The following CNTN4 variants were observed in gnomAD, a reference collection of about 807,000 sequenced individuals.
CNTN4 encodes contactin 4.
CNTN4 carries 77 observed loss-of-function variants against 122.5 expected under a neutral mutation model. The observed-to-expected ratio is 0.63, with a 90% CI of 0.52 to 0.76. The LOEUF is 0.76. Among genes scored for constraint, CNTN4 ranks in the 30% least tolerant of loss-of-function variants. The probability of loss-of-function intolerance (pLI) is 0.00; values close to 1 mark genes in which losing one functional copy is unlikely to be tolerated. For missense variants in CNTN4, 1,256 were observed against 1,259.1 expected (o/e 1.00, Z 0.04); for synonymous variants, 512 against 447.0 (o/e 1.15, Z -1.83).
At chr3:2,443,287 TG>T (rs1443020739) in intron 3 of CNTN4, among the ~76,000 whole-genome samples, 1 of 152,200 alleles carries the variant, frequency 6.6e-6, no homozygotes, top group Admixed American at 6.5e-5. Context: ...GGTTCCAGCC[TG>T]GTTCCTTGTG....
chr3:2,357,326 G>A (rs980384285), intron 3 of CNTN4, among the ~76,000 whole-genome samples: 10 of 152,180 alleles, frequency 6.6e-5, no homozygotes, highest in Non-Finnish European at 1.3e-4. Flanking sequence ...ACTTGCTTAA[G>A]GACAATATAG....
At chr3:2,588,455 C>G (rs979872571) in intron 4 of CNTN4, among the ~76,000 whole-genome samples, 1 of 150,906 alleles carries the variant, frequency 6.6e-6, no homozygotes, top group Non-Finnish European at 1.5e-5. Flanking sequence ...CAACCTCTGC[C>G]TCCCAGGTTC....
intron 8 of CNTN4, among the ~76,000 whole-genome samples, chr3:2,869,749 C>T (rs916428060): frequency 3.9e-5 from 6 of 152,112 alleles, no homozygotes; most frequent in Non-Finnish European, 7.3e-5. Context: ...CGCTCCAGCA[C>T]GGTGCTTGCC....
rs543831889 is a variant in CNTN4, at chr3:2,206,600, C to T, written c.-145+105961C>T. 2.6e-4 allele frequency among the ~76,000 whole-genome samples: 39 copies of T among 152,020 alleles called. 1 individual carries two copies. In the South Asian group the frequency reaches 6.0e-3, roughly 23 times the overall value. On this transcript the variant is annotated intron_variant, in intron 2 of 24. Transcript: ENST00000418658. ...TGATACCAGGAATGACTTTTGGAGTCGGTTTTGTTTTAAATATGTTTATTG... is the reference window on the plus strand; with the variant it reads ...TGATACCAGGAATGACTTTTGGAGTTGGTTTTGTTTTAAATATGTTTATTG...
chr3:2,637,579 G>C (rs1202950694), intron 4 of CNTN4, among the ~76,000 whole-genome samples: 1 of 152,074 alleles, frequency 6.6e-6, no homozygotes, highest in Non-Finnish European at 1.5e-5. Flanking sequence ...ATTGGTCCCT[G>C]CCTCAACAAG....
At chr3:2,597,840 A>G (rs1005640360) in intron 4 of CNTN4, among the ~76,000 whole-genome samples, 1 of 152,196 alleles carries the variant, frequency 6.6e-6, no homozygotes, top group African/African-American at 2.4e-5. Flanking sequence ...TAATCATGTG[A>G]CTAGAATGTA....
intron 2 of CNTN4, among the ~76,000 whole-genome samples, chr3:2,271,129 A>T (rs2041278278): frequency 7.8e-6 from 1 of 128,956 alleles, no homozygotes; most frequent in South Asian, 2.4e-4. Flanking sequence ...ATATAATAAA[A>T]CTCTTTAGAA....
intron 2 of CNTN4, among the ~76,000 whole-genome samples, chr3:2,195,839 A>G (rs2037809034): frequency 6.6e-6 from 1 of 152,216 alleles, no homozygotes; most frequent in South Asian, 2.1e-4. Flanking sequence ...AGCCTAAAGC[A>G]TCTTCTAAAT....
At chr3:2,910,626 T>C (rs540319985) in intron 12 of CNTN4, among the ~76,000 whole-genome samples, 1 of 152,168 alleles carries the variant, frequency 6.6e-6, no homozygotes, top group African/African-American at 2.4e-5. Context: ...TTGAATTGAG[T>C]CATATTGTAA....
Position 3,010,685 on chromosome 3 carries a change from T to C in CNTN4, c.1487-15417T>C, listed in dbSNP as rs1327919098. Among the ~76,000 whole-genome samples, 7 of 152,248 alleles carry C rather than the reference T, an allele frequency of 4.6e-5. No homozygotes were observed. The East Asian group carries it at 1.4e-3, about 29-fold the overall frequency. ...TTATGTACTATATAGCCAAACAGCA[T>C]GGACGAGGAGGGCGCTGTGAAATTA... is the stretch of plus-strand genomic sequence containing the variant. On this transcript the variant is annotated intron_variant, in intron 14 of 24. Coordinates refer to ENST00000418658, the MANE Select transcript of CNTN4 (RefSeq NM_175607.3).
intron 14 of CNTN4, among the ~76,000 whole-genome samples, chr3:2,993,783 A>G (rs1695270961): frequency 6.6e-6 from 1 of 152,220 alleles, no homozygotes; most frequent in South Asian, 2.1e-4. Flanking sequence ...GCTATACACA[A>G]CTTTTCTTGT....
At chr3:2,591,736 C>A (rs1319722000) in intron 4 of CNTN4, among the ~76,000 whole-genome samples, 1 of 152,054 alleles carries the variant, frequency 6.6e-6, no homozygotes, top group Non-Finnish European at 1.5e-5. Context: ...TTTTGAAAGG[C>A]CTAAACGAAG....
At chr3:2,259,006 T>A (rs1201085532) in intron 2 of CNTN4, among the ~76,000 whole-genome samples, 1 of 152,190 alleles carries the variant, frequency 6.6e-6, no homozygotes, top group African/African-American at 2.4e-5. Context: ...AGTGCTATTC[T>A]GTAGGTGAGG....
chr3:2,529,353 T>C (rs1053723163), intron 3 of CNTN4, among the ~76,000 whole-genome samples: 5 of 152,178 alleles, frequency 3.3e-5, no homozygotes, highest in Non-Finnish European at 7.4e-5. Context: ...CATTCATCTG[T>C]TGATGGATAC....
intron 4 of CNTN4, among the ~76,000 whole-genome samples, chr3:2,578,133 C>T (rs919544063): frequency 3.9e-5 from 6 of 152,090 alleles, no homozygotes; most frequent in Admixed American, 3.9e-4. Flanking sequence ...TAGCTTGAAT[C>T]TATGATAGAC....
intron 10 of CNTN4, among the ~76,000 whole-genome samples, chr3:2,899,485 A>G (rs1311783385): frequency 6.6e-6 from 1 of 152,198 alleles, no homozygotes; most frequent in Non-Finnish European, 1.5e-5. Context: ...TATCTTCTGC[A>G]TGACTTTGGG....
chr3:2,403,428 A>G (rs920573158), intron 3 of CNTN4, among the ~76,000 whole-genome samples: 8 of 152,122 alleles, frequency 5.3e-5, no homozygotes, highest in Non-Finnish European at 8.8e-5. Context: ...TTACTCAAAA[A>G]ATTTGGGATG....
At chr3:2,950,890 G>C (rs79894065) in intron 13 of CNTN4, among the ~76,000 whole-genome samples, 2 of 152,144 alleles carry the variant, frequency 1.3e-5, no homozygotes, top group South Asian at 4.1e-4. Context: ...ATGACAACAC[G>C]AGTTGCCTAT....
At chr3:2,696,436 A>G (rs1275829743) in intron 4 of CNTN4, among the ~76,000 whole-genome samples, 1 of 152,212 alleles carries the variant, frequency 6.6e-6, no homozygotes, top group Non-Finnish European at 1.5e-5. Context: ...CTTCAAAGAA[A>G]GTTTGCTGCT....
Sources: gnomAD v4.1 joint callset for allele counts (sites outside exome capture counted in the v4.1 genomes callset) on GRCh38, gnomAD v4.1.1 for gene constraint, MANE v1.5 for transcripts, NCBI Gene and HGNC (gene_info 2026-07-23, HGNC 2026-07-21) for gene names.